Variants in RBFOX1 observed in about 807,000 individuals in gnomAD.
RBFOX1 encodes the protein RNA binding protein fox-1 homolog 1.
In RBFOX1, 8 loss-of-function variants were observed where a neutral mutation model predicts 57.7. The observed-to-expected ratio is 0.14, with a 90% CI of 0.08 to 0.25. The LOEUF (loss-of-function observed/expected upper bound fraction) is 0.25, where lower values mean the gene tolerates loss of function less well. Ranked by LOEUF, RBFOX1 falls within the 10% of genes least tolerant of loss-of-function variation. RBFOX1 has a pLI of 1.00. For synonymous variants in RBFOX1, 326 were observed against 222.4 expected, an observed-to-expected ratio of 1.47 and a Z score of -4.15; for missense variants, 611 against 548.5, an observed-to-expected ratio of 1.11 and a Z score of -1.14.
intron 3 of RBFOX1, among the ~76,000 whole-genome samples, chr16:6,840,175 C>A (rs1256274242): frequency 1.3e-5 from 2 of 152,016 alleles, no homozygotes; most frequent in Non-Finnish European, 2.9e-5. Context: ...AGTTAAGGTG[C>A]CTAAAAGCAC....
At chr16:7,273,172 C>CCCTCCCTTACTT in intron 4 of RBFOX1, among the ~76,000 whole-genome samples, 5 of 95,814 alleles carry the variant, frequency 5.2e-5, no homozygotes, top group African/African-American at 1.8e-4. Flanking sequence ...TTTCCTCTCT[C>CCCTCCCTTACTT]CCTCCCTTCC....
At chr16:6,999,207 TTTTTATTTA>T (rs1350774952) in intron 3 of RBFOX1, among the ~76,000 whole-genome samples, 7 of 95,898 alleles carry the variant, frequency 7.3e-5, no homozygotes, top group African/African-American at 2.8e-4. Context: ...TTATTTTTTA[TTTTTATTTA>T]TTTTTTTTAT....
chr16:5,614,815 C>T (rs950005180), intron 3 of RBFOX1, among the ~76,000 whole-genome samples: 2 of 152,134 alleles, frequency 1.3e-5, no homozygotes, highest in Non-Finnish European at 2.9e-5. Flanking sequence ...GACATTCATT[C>T]CTGGCCAAGA....
chr16:5,829,365 G>A (rs1246617687), intron 3 of RBFOX1, among the ~76,000 whole-genome samples: 1 of 152,214 alleles, frequency 6.6e-6, no homozygotes, highest in East Asian at 1.9e-4. Context: ...TGACTGCGAG[G>A]AGAATGGATT....
At chr16:7,449,569 C>A (rs570765586) in intron 4 of RBFOX1, among the ~76,000 whole-genome samples, 2 of 152,192 alleles carry the variant, frequency 1.3e-5, no homozygotes, top group South Asian at 2.1e-4. Context: ...TTGTTTAGGA[C>A]CATCTCTTTA....
intron 4 of RBFOX1, among the ~76,000 whole-genome samples, chr16:7,209,647 A>C (rs1199103100): frequency 6.6e-6 from 1 of 152,132 alleles, no homozygotes; most frequent in Non-Finnish European, 1.5e-5. Flanking sequence ...CTTTTTGAGC[A>C]CTTAAGTCGC....
intron 2 of RBFOX1, among the ~76,000 whole-genome samples, chr16:6,547,781 T>TTG (rs1472230707): frequency 6.6e-6 from 1 of 152,114 alleles, no homozygotes; most frequent in African/African-American, 2.4e-5. Context: ...TGATTTTTTT[T>TTG]TTTCTCTCAA....
At chr16:6,711,796 C>G (rs1327294287) in intron 3 of RBFOX1, among the ~76,000 whole-genome samples, 2 of 152,190 alleles carry the variant, frequency 1.3e-5, no homozygotes, top group African/African-American at 2.4e-5. Flanking sequence ...CTTTCAAGAT[C>G]TTTGCATTGT....
intron 2 of RBFOX1, among the ~76,000 whole-genome samples, chr16:5,597,548 C>T (rs931302046): frequency 5.3e-5 from 8 of 151,848 alleles, no homozygotes; most frequent in South Asian, 2.1e-4. Context: ...TACAGGTGCC[C>T]GCCACCACAG....
At chr16:6,731,561 G>A (rs1247846504) in intron 3 of RBFOX1, among the ~76,000 whole-genome samples, 1 of 152,088 alleles carries the variant, frequency 6.6e-6, no homozygotes, top group Non-Finnish European at 1.5e-5. Context: ...CACAATAGGA[G>A]ACCAGAATTG....
chr16:5,482,429 C>T (rs1336431936), intron 2 of RBFOX1, among the ~76,000 whole-genome samples: 1 of 152,106 alleles, frequency 6.6e-6, no homozygotes. Flanking sequence ...TGGCAAATGG[C>T]GAGGTGCAAA....
At chr16:7,566,167 G>A (rs2091643752) in intron 5 of RBFOX1, among the ~76,000 whole-genome samples, 1 of 152,142 alleles carries the variant, frequency 6.6e-6, no homozygotes, top group Non-Finnish European at 1.5e-5. Context: ...TCCATAGGAT[G>A]CTTATTCTAA....
At chr16:5,932,971 G>A (rs780541856) in intron 4 of RBFOX1, among the ~76,000 whole-genome samples, 1 of 152,108 alleles carries the variant, frequency 6.6e-6, no homozygotes, top group Non-Finnish European at 1.5e-5. Context: ...TTTAAAAAGC[G>A]ACACAATATT....
intron 2 of RBFOX1, among the ~76,000 whole-genome samples, chr16:5,577,883 A>G (rs1157916780): frequency 6.6e-6 from 1 of 152,238 alleles, no homozygotes; most frequent in Non-Finnish European, 1.5e-5. Flanking sequence ...AAAGAGCCTC[A>G]TGTTAGAGCA....
intron 1 of RBFOX1, among the ~76,000 whole-genome samples, chr16:5,300,094 T>G (rs971621415): frequency 6.6e-6 from 1 of 152,122 alleles, no homozygotes; most frequent in African/African-American, 2.4e-5. Flanking sequence ...CTTAGTGTGT[T>G]GAATTACTCT....
chr16:7,042,395 TCCC>T (rs2046459631), intron 3 of RBFOX1, among the ~76,000 whole-genome samples: 1 of 152,128 alleles, frequency 6.6e-6, no homozygotes, highest in Non-Finnish European at 1.5e-5. Context: ...AGATGGTAAT[TCCC>T]TCTTGAATAT....
intron 4 of RBFOX1, among the ~76,000 whole-genome samples, chr16:7,154,887 A>C (rs899731774): frequency 1.1e-4 from 16 of 152,302 alleles, no homozygotes; most frequent in African/African-American, 3.8e-4. Flanking sequence ...ATAGGTAAGG[A>C]AACTAGGATT....
At chr16:6,933,550 TA>T (rs1241142993) in intron 3 of RBFOX1, among the ~76,000 whole-genome samples, 1 of 152,132 alleles carries the variant, frequency 6.6e-6, no homozygotes, top group African/African-American at 2.4e-5. Flanking sequence ...TCTTCTCTAC[TA>T]AAAATGCAAA....
intron 5 of RBFOX1, among the ~76,000 whole-genome samples, chr16:7,575,998 A>G (rs1387303305): frequency 1.3e-5 from 2 of 151,824 alleles, no homozygotes; most frequent in Non-Finnish European, 2.9e-5. Flanking sequence ...CAGTGGCATG[A>G]TCTTCCCTCA....
Sources: allele counts gnomAD v4.1 joint callset (sites outside exome capture counted in the v4.1 genomes callset), GRCh38; gene constraint gnomAD v4.1.1; transcripts MANE v1.5; gene names NCBI Gene and HGNC (gene_info 2026-07-23, HGNC 2026-07-21).